The following TAFA5 variants were observed in gnomAD, a reference collection of about 807,000 sequenced individuals.
TAFA5 encodes the protein chemokine-like protein TAFA-5.
A neutral mutation model predicts 15.3 loss-of-function variants in TAFA5; 6 were observed. The observed-to-expected ratio is 0.39, with a 90% CI of 0.21 to 0.77. The LOEUF is 0.77. Ranked by LOEUF, TAFA5 falls within the 30% of genes least tolerant of loss-of-function variation. The pLI is 0.41. For synonymous variants in TAFA5, 103 were observed against 80.7 expected, an observed-to-expected ratio of 1.28 and a Z score of -1.48; for missense variants, 161 against 193.1, an observed-to-expected ratio of 0.83 and a Z score of 0.98.
chr22:48,658,873 G>C (rs1003290220), intron 2 of TAFA5, among the ~76,000 whole-genome samples: 1 of 152,240 alleles, frequency 6.6e-6, no homozygotes, highest in Non-Finnish European at 1.5e-5. Flanking sequence ...ACAGTGCCCT[G>C]TGCTGAGGGG....
intron 2 of TAFA5, among the ~76,000 whole-genome samples, chr22:48,677,338 C>T (rs940222884): frequency 3.9e-5 from 6 of 152,252 alleles, no homozygotes; most frequent in East Asian, 1.9e-4. Context: ...GCTCGGACGT[C>T]GGTTTCAGAT....
rs375832008 is a variant in TAFA5, at chr22:48,581,504, G to T, written c.113-65093G>T. 4.9e-4 allele frequency among the ~76,000 whole-genome samples: 75 copies of T among 152,264 alleles called. 1 individual carries two copies. Among genetic ancestry groups the T allele is most frequent in the African/African-American group, 1.8e-3 (74 of 41,572 alleles). ...ATTCCCCACTCGGTGGTCTGGAGGT[G>T]GGTGGTTTTTGCCCGTCTCTGGGCG... On this transcript the variant is annotated intron_variant, in intron 1 of 3. Transcript: ENST00000402357.
At chr22:48,702,153 TTGTG>T (rs1288382440) in intron 2 of TAFA5, among the ~76,000 whole-genome samples, 4 of 151,776 alleles carry the variant, frequency 2.6e-5, no homozygotes, top group African/African-American at 9.7e-5. Context: ...GTGTGTGCGT[TTGTG>T]TGTGGACATG....
chr22:48,692,757 C>T (rs1418909777), intron 2 of TAFA5, among the ~76,000 whole-genome samples: 3 of 152,332 alleles, frequency 2.0e-5, no homozygotes, highest in Non-Finnish European at 4.4e-5. Context: ...AGCCTCGTGA[C>T]GGTGTGCAGG....
In TAFA5 at chr22:48,656,504, CA is replaced by C. The variant is rs916948134; in HGVS notation, c.262+9768del. Among the ~76,000 whole-genome samples, 492 of 137,756 alleles carry C rather than the reference CA, an allele frequency of 3.6e-3. 3 individuals are homozygous for C. Among genetic ancestry groups the C allele is most frequent in the African/African-American group, 0.012 (453 of 37,380 alleles). The allele number at this position is 137,756 out of a possible 152,430, so 90.4% of individuals were successfully genotyped here. ...CTGGTGACAGAGCGAGACTCCATCT[CA>C]AAAAAAAAAGAAACAATGAAATTAT... On this transcript the variant is annotated intron_variant, in intron 2 of 3. Coordinates refer to ENST00000402357, the MANE Select transcript of TAFA5 (RefSeq NM_001082967.3).
intron 2 of TAFA5, among the ~76,000 whole-genome samples, chr22:48,706,859 C>G (rs1435275225): frequency 6.6e-6 from 1 of 152,244 alleles, no homozygotes; most frequent in Admixed American, 6.5e-5. Flanking sequence ...GCTTTTACTC[C>G]GCCATGAAGT....
chr22:48,494,711 C>G (rs1230930454), intron 1 of TAFA5, among the ~76,000 whole-genome samples: 1 of 152,204 alleles, frequency 6.6e-6, no homozygotes, highest in Non-Finnish European at 1.5e-5. Context: ...CTCCAGCCAC[C>G]CTGCTCCTCC....
intron 3 of TAFA5, among the ~76,000 whole-genome samples, chr22:48,748,566 G>A (rs982448361): frequency 6.6e-6 from 1 of 152,214 alleles, no homozygotes; most frequent in Non-Finnish European, 1.5e-5. Flanking sequence ...TTCTGTCCCC[G>A]GGGCAGGTCC....
chr22:48,700,057 A>T (rs1928855662), intron 2 of TAFA5, among the ~76,000 whole-genome samples: 1 of 152,104 alleles, frequency 6.6e-6, no homozygotes, highest in Admixed American at 6.6e-5. Flanking sequence ...ACACACACAC[A>T]CACCCCACCT....
chr22:48,508,174 G>A (rs910807142), intron 1 of TAFA5, among the ~76,000 whole-genome samples: 6 of 152,190 alleles, frequency 3.9e-5, no homozygotes, highest in African/African-American at 9.7e-5. Context: ...TGTCTGTGTG[G>A]GGGCTGCACT....
chr22:48,490,877 C>G lies in TAFA5; in HGVS notation c.112+1173C>G, dbSNP rs1030281377. Among the ~76,000 whole-genome samples the G allele has an allele frequency of 2.0e-5, 3 of 151,992 alleles. No individual in the cohort carries two copies. Among genetic ancestry groups the G allele is most frequent in the Admixed American group, 1.3e-4 (2 of 15,276 alleles). The stretch of plus-strand genomic sequence containing the variant: ...AGCTCCCAGTCCGATCTGATCCTTC[C>G]GCTGTCGCCAAAATGAGAGCACAGT... On this transcript the variant is annotated intron_variant, in intron 1 of 3. Transcript: ENST00000402357. This position sits in a 1 kb window ranked among gnomAD's most constrained non-coding sequence, Gnocchi z 5.8.
At chr22:48,730,815 G>A (rs1412502746) in intron 3 of TAFA5, among the ~76,000 whole-genome samples, 3 of 151,956 alleles carry the variant, frequency 2.0e-5, no homozygotes, top group Admixed American at 6.6e-5. Context: ...TCCTCTCCAC[G>A]GGCCTCCCTG....
At chr22:48,735,115 T>C (rs904453673) in intron 3 of TAFA5, among the ~76,000 whole-genome samples, 3 of 152,158 alleles carry the variant, frequency 2.0e-5, no homozygotes, top group Non-Finnish European at 4.4e-5. Context: ...CTGCAGACTG[T>C]TCTCATCCCG....
chr22:48,655,831 T>TA (rs1927219479), intron 2 of TAFA5, among the ~76,000 whole-genome samples: 1 of 49,970 alleles, frequency 2.0e-5, no homozygotes, highest in Non-Finnish European at 3.4e-5. Flanking sequence ...ACACTGATTC[T>TA]TTTTTTTTTT....
intron 3 of TAFA5, among the ~76,000 whole-genome samples, chr22:48,713,508 G>A (rs1307609885): frequency 1.3e-5 from 2 of 152,232 alleles, no homozygotes; most frequent in Non-Finnish European, 2.9e-5. Flanking sequence ...GGCAGCTTGT[G>A]CTGTCAGCCT....
At chr22:48,677,023 G>GC (rs1229926294) in intron 2 of TAFA5, among the ~76,000 whole-genome samples, 2 of 152,176 alleles carry the variant, frequency 1.3e-5, no homozygotes, top group Admixed American at 6.5e-5. Flanking sequence ...CGTGGAGGAC[G>GC]CCCCTGCCTG....
intron 2 of TAFA5, among the ~76,000 whole-genome samples, chr22:48,649,484 C>A (rs905988704): frequency 2.6e-4 from 40 of 152,134 alleles, no homozygotes; most frequent in African/African-American, 8.9e-4. Context: ...GCCGCTGGAG[C>A]CTTGTTTTTG....
At chr22:48,633,553 T>TCTCC (rs1357625142) in intron 1 of TAFA5, among the ~76,000 whole-genome samples, 1 of 138,820 alleles carries the variant, frequency 7.2e-6, no homozygotes, top group Non-Finnish European at 1.5e-5. Flanking sequence ...TCTCTCTCTC[T>TCTCC]CTCTCCATCT....
At chr22:48,709,725 A>T (rs713748) in intron 3 of TAFA5, among the ~76,000 whole-genome samples, 105,939 of 152,110 alleles carry the variant, frequency 0.7, 37,085 homozygotes, top group Middle Eastern at 0.72. Flanking sequence ...CCTCTGTGAG[A>T]GGACTGCTCA....
Sources: allele counts gnomAD v4.1 joint callset (sites outside exome capture counted in the v4.1 genomes callset), GRCh38; gene constraint gnomAD v4.1.1; non-coding constraint Gnocchi (gnomAD v3.1); transcripts MANE v1.5; gene names NCBI Gene and HGNC (gene_info 2026-07-23, HGNC 2026-07-21).